FAM228B: variants seen among roughly 807,000 people sequenced by gnomAD.
FAM228B encodes the protein protein FAM228B.
In FAM228B, 38 loss-of-function variants were observed where a neutral mutation model predicts 42.6. The ratio of observed to expected loss-of-function variants is 0.89; its 90% CI spans 0.69 to 1.17. The LOEUF is 1.17. Among genes scored for constraint, FAM228B ranks in the 50% most tolerant of loss-of-function variants. FAM228B has a pLI of 0.00. For synonymous variants in FAM228B, 109 were observed against 122.3 expected, an observed-to-expected ratio of 0.89 and a Z score of 0.72; for missense variants, 344 against 367.3, an observed-to-expected ratio of 0.94 and a Z score of 0.52.
rs145476130 is a variant in FAM228B at position 24,165,100 on chromosome 2, G to A, written c.932+765G>A. Among the ~76,000 whole-genome samples the A allele has an allele frequency of 8.3e-4, 127 of 152,342 alleles. 5 individuals are homozygous for A. In the East Asian group the frequency reaches 0.023, roughly 28 times the overall value. On this transcript the variant is annotated intron_variant, in intron 9 of 10. Transcript: ENST00000615575. The stretch of plus-strand genomic sequence containing the variant: ...AGTTAATTAAAACCTGGAGTAACCA[G>A]GAGATCCAGAGTTTCCTAAAAGAAT...
chr2:24,156,182 A>G (rs1667138621), intron 7 of FAM228B, among the ~76,000 whole-genome samples: 1 of 152,242 alleles, frequency 6.6e-6, no homozygotes, highest in African/African-American at 2.4e-5. Context: ...CAACCTATCC[A>G]AAAGTGAGCG....
chr2:24,153,304 C>T (rs2151026554), intron 7 of FAM228B, among the ~76,000 whole-genome samples: 1 of 152,326 alleles, frequency 6.6e-6, no homozygotes, highest in Non-Finnish European at 1.5e-5. Context: ...TGTTCTGGGT[C>T]ACTGCTGAAG....
At position 24,077,564 on chromosome 2, in the gene FAM228B, C is replaced by T. The variant is rs761246264; in HGVS notation, c.-290+595C>T. ...AGGCCTGGGGTGGCCGCGTCCTGTC[C>T]TGCCCCATCCTCCTTCACTGGGGCA... On this transcript the variant is annotated intron_variant, in intron 1 of 10. Coordinates refer to the FAM228B transcript ENST00000613899. This position sits in a 1 kb window ranked among gnomAD's most constrained non-coding sequence, Gnocchi z 5.5. 15 of 1,610,698 alleles carry T rather than the reference C, an allele frequency of 9.3e-6. No homozygotes were observed. The highest frequency in any genetic ancestry group is 2.2e-5 in the South Asian group (2 of 90,700).
intron 3 of FAM228B, among the ~76,000 whole-genome samples, chr2:24,102,233 G>A (rs1665623025): frequency 6.6e-6 from 1 of 152,304 alleles, no homozygotes; most frequent in Admixed American, 6.5e-5. Flanking sequence ...AGTCACAAGT[G>A]TCACTCAAGT....
upstream of FAM228B, chr2:24,119,714 C>A: frequency 6.5e-7 from 1 of 1,543,334 alleles, no homozygotes; most frequent in South Asian, 1.1e-5. Context: ...ATATTCTGCT[C>A]TTGGTTCTAA....
intron 7 of FAM228B, among the ~76,000 whole-genome samples, chr2:24,150,249 A>G (rs1371460359): frequency 6.6e-6 from 1 of 152,148 alleles, no homozygotes; most frequent in East Asian, 1.9e-4. Context: ...CTTTCAGATT[A>G]AAGAACTCCC....
chr2:24,117,850 A>T (rs1345570381), intron 3 of FAM228B, among the ~76,000 whole-genome samples: 2 of 152,222 alleles, frequency 1.3e-5, no homozygotes, highest in Non-Finnish European at 2.9e-5. Flanking sequence ...CAGTCATAAG[A>T]CAACTGGCTC....
At chr2:24,086,234 C>CA (rs57641176) in intron 2 of FAM228B, among the ~76,000 whole-genome samples, 9,298 of 62,892 alleles carry the variant, frequency 0.15, 616 homozygotes, top group African/African-American at 0.21. Flanking sequence ...GACTCCGTCT[C>CA]AAAAAAAAAA....
chr2:24,083,122 C>A, intron 2 of FAM228B: 1 of 1,613,266 alleles, frequency 6.2e-7, no homozygotes, highest in South Asian at 1.1e-5. Context: ...ATGTTGCTGG[C>A]TCCTGGAGGT....
intron 8 of FAM228B, among the ~76,000 whole-genome samples, chr2:24,162,841 TG>T (rs1016310313): frequency 8.5e-5 from 13 of 152,318 alleles, no homozygotes; most frequent in Middle Eastern, 6.8e-3. Context: ...ACATATAGTA[TG>T]TTTTTTTATA....
intron 3 of FAM228B, among the ~76,000 whole-genome samples, chr2:24,113,776 C>T (rs868840814): frequency 1.3e-5 from 2 of 152,076 alleles, no homozygotes; most frequent in African/African-American, 2.4e-5. Context: ...ACTTGGGGGG[C>T]TGAGGCAGGA....
chr2:24,098,645 C>T lies in FAM228B; in HGVS notation c.-121+3416C>T, dbSNP rs189276689. Among the ~76,000 whole-genome samples the T allele has an allele frequency of 7.9e-4, 120 of 152,170 alleles. 1 individual carries two copies. Among genetic ancestry groups the T allele is most frequent in the African/African-American group, 2.4e-3 (101 of 41,540 alleles). ...TGAAATTGAGGCAATAATTAATAGC[C>T]TACCAACCAAAAAAAGTCCAGGACC... On this transcript the variant is annotated intron_variant, in intron 3 of 10. Coordinates refer to the FAM228B transcript ENST00000613899.
At chr2:24,097,672 A>G (rs1417011880) in intron 3 of FAM228B, among the ~76,000 whole-genome samples, 1 of 152,204 alleles carries the variant, frequency 6.6e-6, no homozygotes, top group Non-Finnish European at 1.5e-5. Context: ...AGACTTGCAC[A>G]CAATAATAAT....
upstream of FAM228B, among the ~76,000 whole-genome samples, chr2:24,118,592 A>C (rs543252869): frequency 4.4e-4 from 67 of 152,354 alleles, 1 homozygote; most frequent in Non-Finnish European, 9.1e-4. Context: ...TCATAAAGGT[A>C]TGCATAAAAT....
chr2:24,151,555 G>T (rs555584896), intron 7 of FAM228B, among the ~76,000 whole-genome samples: 1 of 150,830 alleles, frequency 6.6e-6, no homozygotes, highest in Non-Finnish European at 1.5e-5. Context: ...GCCTCCCAAA[G>T]TTCTGGGAAT....
Position 24,094,029 on chromosome 2 carries a change from C to CTTT in FAM228B, c.-209-1086_-209-1084dup, listed in dbSNP as rs57620033. On this transcript the variant is annotated intron_variant, in intron 2 of 10. Coordinates refer to the FAM228B transcript ENST00000613899. ...TAGATCCCTGAGGAATCGCCACATA[C>CTTT]TTTTTTTTTTTTTTTTTTTTTTTTT... 2.7e-4 allele frequency among the ~76,000 whole-genome samples: 21 copies of CTTT among 77,390 alleles called. 1 individual carries two copies. The highest frequency in any genetic ancestry group is 9.0e-4 in the African/African-American group (18 of 20,074). The allele number at this position is 77,390 out of a possible 152,430, so 50.8% of individuals were successfully genotyped here.
chr2:24,099,175 A>G (rs1665559586), intron 3 of FAM228B, among the ~76,000 whole-genome samples: 1 of 152,190 alleles, frequency 6.6e-6, no homozygotes, highest in South Asian at 2.1e-4. Flanking sequence ...AGCCAATATC[A>G]TACTGAATGG....
chr2:24,113,642 G>A (rs975656955), intron 3 of FAM228B, among the ~76,000 whole-genome samples: 2 of 152,088 alleles, frequency 1.3e-5, no homozygotes, highest in Non-Finnish European at 1.5e-5. Context: ...TTTGGGAGGC[G>A]GAGGCGGGTG....
At chr2:24,085,890 A>G (rs1345141033) in intron 2 of FAM228B, 2 of 152,246 alleles carry the variant, frequency 1.3e-5, no homozygotes, top group Non-Finnish European at 2.9e-5. Flanking sequence ...AGATGGAAAT[A>G]ATAAAATGAT....
Sources: gnomAD v4.1 joint callset for allele counts (sites outside exome capture counted in the v4.1 genomes callset) on GRCh38, gnomAD v4.1.1 for gene constraint, Gnocchi (gnomAD v3.1) non-coding constraint, MANE v1.5 for transcripts, NCBI Gene and HGNC (gene_info 2026-07-23, HGNC 2026-07-21) for gene names.